TNRC6A: variants seen among roughly 807,000 people sequenced by gnomAD.
TNRC6A encodes trinucleotide repeat-containing gene 6A protein.
TNRC6A carries 44 observed loss-of-function variants against 221.2 expected under a neutral mutation model. That is an observed-to-expected ratio of 0.20 (90% CI 0.16 to 0.26). The LOEUF is 0.26. Among genes scored for constraint, TNRC6A ranks in the 10% least tolerant of loss-of-function variants. TNRC6A has a pLI of 1.00. For synonymous variants in TNRC6A, 847 were observed against 838.5 expected (o/e 1.01, Z -0.18); for missense variants, 2,199 against 2,404.4 (o/e 0.91, Z 1.79).
In TNRC6A at chr16:24,815,214, T is replaced by G; in HGVS notation, c.4740T>G (p.Ser1580Arg). The G allele has an allele frequency of 6.2e-7, 1 of 1,614,234 alleles. No individual in the cohort carries two copies. The highest frequency in any genetic ancestry group is 1.1e-5 in the South Asian group (1 of 91,082). ...PFVPYDFMNSSTSPASPPGSI... is the reference protein window; with the variant it reads ...PFVPYDFMNSRTSPASPPGSI... ...TTCCCTATGACTTTATGAACAGCAG[T>G]ACTTCACCAGCCAGTCCTCCAGGTT... The change falls in exon 19 of 25, where the codon AGT becomes AGG. Residue 1580 changes from serine to arginine, a missense_variant. By Grantham distance (110) the Ser-to-Arg change is moderately radical. This residue lies in a region of TNRC6A where 449 missense variants were observed against 579.7 expected (regional missense o/e 0.77). Coordinates refer to ENST00000395799, the MANE Select transcript of TNRC6A (RefSeq NM_014494.4).
intron 1 of TNRC6A, among the ~76,000 whole-genome samples, chr16:24,639,562 A>G (rs1206523202): frequency 6.6e-6 from 1 of 152,234 alleles, no homozygotes; most frequent in Non-Finnish European, 1.5e-5. Flanking sequence ...AAATAGATTC[A>G]TTCACTGATT....
rs773497829 is a variant in TNRC6A, at chr16:24,818,582, C to T, written c.4973-11C>T. 6.2e-7 allele frequency: 1 copy of T among 1,611,198 alleles called. No homozygotes were observed. The highest frequency in any genetic ancestry group is 1.3e-5 in the African/African-American group (1 of 74,868). On this transcript the variant is annotated splice_polypyrimidine_tract_variant and intron_variant, in intron 20 of 24. Coordinates refer to ENST00000395799, the MANE Select transcript of TNRC6A (RefSeq NM_014494.4). ...TGCTCTGGTGGCTGATTGGACTCTT[C>T]CCCCACACAGGGTCATCCTCATCCT...
At chr16:24,656,328 A>G (rs1393944309) in intron 2 of TNRC6A, among the ~76,000 whole-genome samples, 4 of 151,708 alleles carry the variant, frequency 2.6e-5, no homozygotes, top group East Asian at 1.9e-4. Flanking sequence ...TTAGCTGGGC[A>G]TGGTGGCGCA....
chr16:24,619,186 T>A (rs1352074177), intron 1 of TNRC6A, among the ~76,000 whole-genome samples: 8 of 152,224 alleles, frequency 5.3e-5, no homozygotes, highest in Non-Finnish European at 1.0e-4. Context: ...TTGGGCTGTT[T>A]TCTGAGTATC....
Position 24,822,760 on chromosome 16 carries a change from G to A in TNRC6A, c.5374-114G>A, listed in dbSNP as rs544358809. 66 of 1,415,994 alleles carry A rather than the reference G, an allele frequency of 4.7e-5. 1 individual carries two copies. In the South Asian group the frequency reaches 8.3e-4, roughly 18 times the overall value. The allele number at this position is 1,415,994 out of a possible 1,614,324, so 87.7% of individuals were successfully genotyped here. ...CGTCAGAGTGTCAGTGAAGAGTGGT[G>A]CCAGGAGCACAGAGCCTCAGGAAAG... On this transcript the variant is annotated intron_variant, in intron 23 of 24. Transcript: ENST00000395799.
At position 24,805,244 on chromosome 16, in the gene TNRC6A, A is replaced by G. The variant is rs2058407052; in HGVS notation, c.4122+93A>G. 6.7e-6 allele frequency: 10 copies of G among 1,503,532 alleles called. No individual in the cohort carries two copies. In the South Asian group the frequency reaches 8.6e-5, roughly 13 times the overall value. 93.1% of individuals were successfully genotyped at this position (1,503,532 alleles called of 1,614,324 possible). ...ATAAAATGGCTAACTAAGCATTATC[A>G]TATTTATTGGCATCTTTGAGATTCA... On this transcript the variant is annotated intron_variant, in intron 14 of 24. Transcript: ENST00000395799.
intron 2 of TNRC6A, among the ~76,000 whole-genome samples, chr16:24,706,728 A>G (rs1283461504): frequency 6.6e-6 from 1 of 150,884 alleles, no homozygotes; most frequent in Admixed American, 6.6e-5. Flanking sequence ...GTACTTGTGC[A>G]TGAAAAGAAA....
At chr16:24,678,994 ATTT>A (rs10556464) in intron 2 of TNRC6A, among the ~76,000 whole-genome samples, 1,831 of 135,890 alleles carry the variant, frequency 0.013, 10 homozygotes, top group South Asian at 0.033. Context: ...AAAACATTGA[ATTT>A]TTTTTTTTTT....
intron 3 of TNRC6A, among the ~76,000 whole-genome samples, chr16:24,753,605 G>A (rs1276483044): frequency 6.6e-6 from 1 of 152,140 alleles, no homozygotes; most frequent in African/African-American, 2.4e-5. Context: ...CACACTTATA[G>A]CCCATATGAG....
rs367976719 is a variant in TNRC6A at position 24,776,404 on chromosome 16, C to T, written c.164-529C>T. 26 of 985,262 alleles carry T rather than the reference C, an allele frequency of 2.6e-5. No homozygotes were observed. In the East Asian group the frequency reaches 9.1e-4, roughly 34 times the overall value. 61.0% of individuals were successfully genotyped at this position (985,262 alleles called of 1,614,324 possible). On this transcript the variant is annotated intron_variant, in intron 4 of 24. Coordinates refer to ENST00000395799, the MANE Select transcript of TNRC6A (RefSeq NM_014494.4). ...TCAGATATTACATTTTTAGCAAATA[C>T]AGACATTGTTAACTTAGCCTTTTTG...
intron 3 of TNRC6A, among the ~76,000 whole-genome samples, chr16:24,754,380 A>G (rs2057203093): frequency 6.6e-6 from 1 of 152,314 alleles, no homozygotes; most frequent in East Asian, 1.9e-4. Flanking sequence ...TTCAGCCCCA[A>G]TACATTTCTA....
intron 2 of TNRC6A, among the ~76,000 whole-genome samples, chr16:24,645,021 T>C (rs1370630487): frequency 6.6e-6 from 1 of 152,236 alleles, no homozygotes; most frequent in African/African-American, 2.4e-5. Flanking sequence ...ATTGAAAACA[T>C]TTGATCTGTA....
chr16:24,749,424 A>G (rs905409688), intron 2 of TNRC6A, among the ~76,000 whole-genome samples: 2 of 152,092 alleles, frequency 1.3e-5, no homozygotes, highest in African/African-American at 4.8e-5. Flanking sequence ...TTTAGAGAGT[A>G]TTTCTTTGGC....
chr16:24,747,016 C>T (rs1045899388), intron 2 of TNRC6A, among the ~76,000 whole-genome samples: 1 of 152,140 alleles, frequency 6.6e-6, no homozygotes, highest in African/African-American at 2.4e-5. Flanking sequence ...ACAAGTAAAT[C>T]ATTTGTAGTG....
Position 24,790,483 on chromosome 16 carries a change from G to C in TNRC6A, c.1841G>C (p.Ser614Thr). ...PAQNTGTNLP[S>T]VEWNKLPSNQ... ...CAAAACACTGGCACTAATTTACCCA[G>C]CGTTGAGTGGAACAAACTGCCTAGC... Residue 614 changes from serine (S) to threonine (T), a missense_variant, in exon 6 of 25, where the codon AGC (serine) becomes ACC (threonine). Around this residue, in one of 8 missense-constraint regions of TNRC6A, gnomAD observed 1,405 missense variants for 1,400.2 expected, o/e 1.00. Coordinates refer to ENST00000395799, the MANE Select transcript of TNRC6A (RefSeq NM_014494.4). 1.2e-6 allele frequency: 2 copies of C among 1,614,244 alleles called. No individual in the cohort carries two copies. Among genetic ancestry groups the C allele is most frequent in the Non-Finnish European group, 8.5e-7 (1 of 1,180,048 alleles).
At chr16:24,731,695 G>C (rs919265795) in intron 2 of TNRC6A, among the ~76,000 whole-genome samples, 1 of 152,204 alleles carries the variant, frequency 6.6e-6, no homozygotes, top group Non-Finnish European at 1.5e-5. Context: ...AACTATATCA[G>C]TATAATTCCT....
At chr16:24,705,947 A>T (rs1239777012) in intron 2 of TNRC6A, among the ~76,000 whole-genome samples, 1 of 152,220 alleles carries the variant, frequency 6.6e-6, no homozygotes, top group Non-Finnish European at 1.5e-5. Flanking sequence ...TATCTAGCCA[A>T]TCCAAGAGTA....
chr16:24,766,565 G>A (rs1183516715), intron 4 of TNRC6A, among the ~76,000 whole-genome samples: 1 of 152,068 alleles, frequency 6.6e-6, no homozygotes, highest in East Asian at 1.9e-4. Flanking sequence ...AAAACATGAG[G>A]ATGGGATCTA....
chr16:24,747,143 G>A (rs1359311220), intron 2 of TNRC6A, among the ~76,000 whole-genome samples: 2 of 152,154 alleles, frequency 1.3e-5, no homozygotes, highest in African/African-American at 4.8e-5. Flanking sequence ...GTCAATGTAT[G>A]AAACCAACTT....
Sources: gnomAD v4.1 joint callset for allele counts (sites outside exome capture counted in the v4.1 genomes callset) on GRCh38, gnomAD v4.1.1 for gene constraint, gnomAD v4.1.1 regional missense constraint, MANE v1.5 for transcripts, NCBI Gene and HGNC (gene_info 2026-07-23, HGNC 2026-07-21) for gene names.